The following CDKAL1 variants were observed in gnomAD, a reference collection of about 807,000 sequenced individuals.
The protein encoded by CDKAL1 is CDKAL1 threonylcarbamoyladenosine tRNA methylthiotransferase.
Under a neutral mutation model 68.2 loss-of-function variants are expected in CDKAL1, and 32 were observed. That is an observed-to-expected ratio of 0.47 (90% CI 0.35 to 0.63). The LOEUF (loss-of-function observed/expected upper bound fraction) is 0.63, where lower values mean the gene tolerates loss of function less well. Ranked by LOEUF, CDKAL1 falls within the 30% of genes least tolerant of loss-of-function variation. The pLI, the probability that CDKAL1 is intolerant of heterozygous loss-of-function variation, is 0.00. For synonymous variants in CDKAL1, 234 were observed against 244.3 expected (o/e 0.96, Z 0.39); for missense variants, 606 against 696.7 (o/e 0.87, Z 1.47).
intron 5 of CDKAL1, among the ~76,000 whole-genome samples, chr6:20,732,030 T>G (rs1202297120): frequency 6.6e-6 from 1 of 150,966 alleles, no homozygotes; most frequent in Non-Finnish European, 1.5e-5. Context: ...CTCTCTTTTT[T>G]TAAACATTAT....
At chr6:20,964,605 C>T (rs1453172507) in intron 10 of CDKAL1, among the ~76,000 whole-genome samples, 1 of 152,108 alleles carries the variant, frequency 6.6e-6, no homozygotes, top group Non-Finnish European at 1.5e-5. Context: ...GGTGAGAACA[C>T]GTGGACACAT....
intron 12 of CDKAL1, among the ~76,000 whole-genome samples, chr6:21,070,162 A>G (rs1312768899): frequency 1.3e-5 from 2 of 152,078 alleles, no homozygotes; most frequent in Non-Finnish European, 2.9e-5. Flanking sequence ...TATTTGCTGT[A>G]CTTGCTGATC....
intron 5 of CDKAL1, among the ~76,000 whole-genome samples, chr6:20,698,166 C>T (rs1284915268): frequency 6.6e-6 from 1 of 152,098 alleles, no homozygotes; most frequent in Non-Finnish European, 1.5e-5. Context: ...CTGTCTGTAA[C>T]ATAGTGGCTA....
intron 10 of CDKAL1, among the ~76,000 whole-genome samples, chr6:20,983,145 G>A (rs1288706269): frequency 3.3e-5 from 5 of 152,104 alleles, no homozygotes; most frequent in Non-Finnish European, 7.4e-5. Context: ...GTAGAACAGG[G>A]ATGGAATATG....
At chr6:21,222,234 G>A (rs1485439232) in intron 15 of CDKAL1, among the ~76,000 whole-genome samples, 1 of 152,106 alleles carries the variant, frequency 6.6e-6, no homozygotes, top group Non-Finnish European at 1.5e-5. Flanking sequence ...TAAAATTTTT[G>A]TTCATGATTG....
intron 5 of CDKAL1, among the ~76,000 whole-genome samples, chr6:20,727,182 T>C (rs1484856407): frequency 6.6e-6 from 1 of 152,180 alleles, no homozygotes; most frequent in Non-Finnish European, 1.5e-5. Context: ...CACAGGTAAC[T>C]GTTTCCTTAA....
intron 9 of CDKAL1, among the ~76,000 whole-genome samples, chr6:20,905,422 A>C (rs1210636353): frequency 6.6e-6 from 1 of 152,178 alleles, no homozygotes; most frequent in African/African-American, 2.4e-5. Flanking sequence ...GAATGAGGAA[A>C]CATGAATGGA....
intron 9 of CDKAL1, among the ~76,000 whole-genome samples, chr6:20,854,198 A>G (rs1192529869): frequency 6.6e-6 from 1 of 152,206 alleles, no homozygotes; most frequent in Non-Finnish European, 1.5e-5. Flanking sequence ...GGATAACAGA[A>G]GTCATTCTTA....
intron 9 of CDKAL1, among the ~76,000 whole-genome samples, chr6:20,851,021 T>A (rs1050970581): frequency 0.01 from 108 of 10,292 alleles, no homozygotes; most frequent in Non-Finnish European, 0.022. Flanking sequence ...TTTTCTGGCG[T>A]TTTTTTTTTC....
chr6:20,959,407 C>T lies in CDKAL1; in HGVS notation c.909+3822C>T, dbSNP rs888032980. Among the ~76,000 whole-genome samples, 4 of 151,990 alleles carry T rather than the reference C, an allele frequency of 2.6e-5. No individual in the cohort carries two copies. The East Asian group carries it at 7.7e-4, about 29-fold the overall frequency. ...TAGAATCAATAGATAAAACAATAAA[C>T]ATGCTTTATGTCACCTTAAAGTCCC... On this transcript the variant is annotated intron_variant, in intron 10 of 15. Transcript: ENST00000274695.
chr6:20,779,858 G>A (rs1362678435), intron 7 of CDKAL1, among the ~76,000 whole-genome samples: 2 of 152,052 alleles, frequency 1.3e-5, no homozygotes, highest in Non-Finnish European at 2.9e-5. Flanking sequence ...ACCATGCCTG[G>A]CCAAAACTTT....
chr6:20,981,626 G>A (rs1472758569), intron 10 of CDKAL1, among the ~76,000 whole-genome samples: 1 of 152,202 alleles, frequency 6.6e-6, no homozygotes, highest in Non-Finnish European at 1.5e-5. Context: ...TGGATCACGA[G>A]GTCAGGAGTT....
At chr6:20,859,875 G>GT (rs1205614516) in intron 9 of CDKAL1, among the ~76,000 whole-genome samples, 1 of 152,108 alleles carries the variant, frequency 6.6e-6, no homozygotes, top group Non-Finnish European at 1.5e-5. Context: ...TTGTTTCTTA[G>GT]TTCCTTGAAT....
chr6:20,700,516 C>G (rs1056228247), intron 5 of CDKAL1, among the ~76,000 whole-genome samples: 1 of 152,110 alleles, frequency 6.6e-6, no homozygotes. Context: ...AGGTGCAAAA[C>G]TGTAAATAAT....
rs34084405 is a variant in CDKAL1, at chr6:21,230,991, G to A, written c.1692G>A (p.Leu564=). The change falls in exon 16 of 16, where the codon TTG becomes TTA. Residue 564 remains leucine (L), a synonymous_variant. Coordinates refer to ENST00000274695, the MANE Select transcript of CDKAL1 (RefSeq NM_017774.3). ...GTGCGCTGAGGATGTCCGTGGGCTTGGCTCTGCTGGGTCTTCTTTTTGCTT... is the reference window on the plus strand; with the variant it reads ...GTGCGCTGAGGATGTCCGTGGGCTTAGCTCTGCTGGGTCTTCTTTTTGCTT... The part of the protein sequence containing the change: ...QDCALRMSVG[L]ALLGLLFAFF... The A allele has an allele frequency of 3.2e-3, 5,106 of 1,612,128 alleles. 123 individuals carry two copies. The African/African-American group carries it at 0.057, about 18-fold the overall frequency.
chr6:20,891,387 A>G (rs933583611), intron 9 of CDKAL1, among the ~76,000 whole-genome samples: 1 of 152,122 alleles, frequency 6.6e-6, no homozygotes, highest in African/African-American at 2.4e-5. Context: ...GCCTGTCCTT[A>G]CTGTGAGTTA....
At chr6:20,873,024 G>T (rs184882508) in intron 9 of CDKAL1, among the ~76,000 whole-genome samples, 74 of 152,308 alleles carry the variant, frequency 4.9e-4, no homozygotes, top group African/African-American at 1.7e-3. Context: ...CTTGAGCTCA[G>T]TGTAGTGTTG....
At chr6:20,610,489 G>GTT (rs200475489) in intron 4 of CDKAL1, among the ~76,000 whole-genome samples, 34 of 142,578 alleles carry the variant, frequency 2.4e-4, no homozygotes, top group South Asian at 4.5e-4. Context: ...TGTGGAAAAC[G>GTT]TTTTTTTTTC....
chr6:20,818,136 A>G (rs971891872), intron 8 of CDKAL1, among the ~76,000 whole-genome samples: 18 of 152,116 alleles, frequency 1.2e-4, no homozygotes, highest in African/African-American at 4.3e-4. Context: ...AACTTACACA[A>G]TGTCTTTTTT....
Sources: gnomAD v4.1 joint callset for allele counts (sites outside exome capture counted in the v4.1 genomes callset) on GRCh38, gnomAD v4.1.1 for gene constraint, MANE v1.5 for transcripts, NCBI Gene and HGNC (gene_info 2026-07-23, HGNC 2026-07-21) for gene names.